The following GBF1 variants were observed in gnomAD, a reference collection of about 807,000 sequenced individuals.
GBF1 encodes golgi brefeldin A resistant guanine nucleotide exchange factor 1, also known as Golgi-specific brefeldin A-resistance guanine nucleotide exchange factor 1.
GBF1 carries 114 observed loss-of-function variants against 210.5 expected under a neutral mutation model. The ratio of observed to expected loss-of-function variants is 0.54; its 90% CI spans 0.47 to 0.63. GBF1 has a LOEUF of 0.63. Among genes scored for constraint, GBF1 ranks in the 30% least tolerant of loss-of-function variants. The pLI is 0.00. For synonymous variants in GBF1, 850 were observed against 889.2 expected (o/e 0.96, Z 0.78); for missense variants, 1,851 against 2,357.7 (o/e 0.79, Z 4.45).
chr10:102,321,356 ATCTT>A (rs138794972), intron 3 of GBF1, among the ~76,000 whole-genome samples: 8,879 of 152,162 alleles, frequency 0.058, 383 homozygotes, highest in Non-Finnish European at 0.085. Flanking sequence ...ATTAATTTGC[ATCTT>A]TCTTTAATCA....
Position 102,365,514 on chromosome 10 carries a change from C to G in GBF1, c.2224C>G (p.Arg742Gly). ...CAACACAGAGGTTGCTCAGTGGCTC[C>G]GAGAGAACCCTCGGCTGGACAAGAA... ...MDNTEVAQWLRENPRLDKKMI... is the reference protein window; with the variant it reads ...MDNTEVAQWLGENPRLDKKMI... Residue 742 changes from arginine (R) to glycine (G), a missense_variant, in exon 18 of 40, where the codon CGA becomes GGA. Transcript: ENST00000369983. The G allele has an allele frequency of 6.2e-7, 1 of 1,614,158 alleles. No homozygotes were observed. Among genetic ancestry groups the G allele is most frequent in the Non-Finnish European group, 8.5e-7 (1 of 1,180,016 alleles).
At chr10:102,250,194 T>A (rs1437256982) in intron 1 of GBF1, among the ~76,000 whole-genome samples, 2 of 152,112 alleles carry the variant, frequency 1.3e-5, no homozygotes, top group Non-Finnish European at 2.9e-5. Context: ...GCTAGTTGGA[T>A]AAGAATAATT....
chr10:102,288,739 A>AC (rs1366421133), intron 3 of GBF1, among the ~76,000 whole-genome samples: 7 of 149,566 alleles, frequency 4.7e-5, no homozygotes, highest in South Asian at 2.1e-4. Flanking sequence ...AAAAAAACAA[A>AC]AAAAAAAAAC....
At chr10:102,242,736 G>C (rs140708847), upstream of GBF1, among the ~76,000 whole-genome samples, 2,076 of 152,148 alleles carry the variant, frequency 0.014, 19 homozygotes, top group Non-Finnish European at 0.019. Flanking sequence ...AGACCACCCT[G>C]GCTAACACGG....
rs146142892 is a variant in GBF1 at position 102,364,052 on chromosome 10, G to A, written c.2106+254G>A. Among the ~76,000 whole-genome samples the A allele has an allele frequency of 2.0e-5, 3 of 152,154 alleles. No individual in the cohort carries two copies. The East Asian group carries it at 5.8e-4, about 29-fold the overall frequency. On this transcript the variant is annotated intron_variant, in intron 17 of 39. Coordinates refer to ENST00000369983, the MANE Select transcript of GBF1 (RefSeq NM_001377137.1). Reference sequence around the variant, plus strand: ...AGTTGAGAGCCAAGTGTCACTAGTGGCAGTGACAGGAGCCTTGGGAGTTGG... The same window carrying A: ...AGTTGAGAGCCAAGTGTCACTAGTGACAGTGACAGGAGCCTTGGGAGTTGG...
chr10:102,321,281 C>G (rs943314568), intron 3 of GBF1, among the ~76,000 whole-genome samples: 1 of 152,172 alleles, frequency 6.6e-6, no homozygotes, highest in Non-Finnish European at 1.5e-5. Flanking sequence ...TGTTCACCAT[C>G]ATATATCTAT....
the GBF1 span, chr10:102,232,084 G>C: frequency 1.3e-6 from 2 of 1,580,842 alleles, no homozygotes; most frequent in Non-Finnish European, 1.7e-6. Context: ...ACTCCATGGA[G>C]GGAGGGCTCT....
intron 3 of GBF1, among the ~76,000 whole-genome samples, chr10:102,332,904 A>G (rs1198697113): frequency 6.6e-6 from 1 of 152,226 alleles, no homozygotes; most frequent in African/African-American, 2.4e-5. Context: ...GATCTGAGAA[A>G]CTGTTGTGTG....
intron 3 of GBF1, among the ~76,000 whole-genome samples, chr10:102,325,541 A>C (rs1477426620): frequency 7.9e-6 from 1 of 127,352 alleles, no homozygotes; most frequent in Non-Finnish European, 1.6e-5. Flanking sequence ...ACAGAGCAAG[A>C]CTCCGTCTCA....
At chr10:102,322,374 T>G (rs1483707282) in intron 3 of GBF1, among the ~76,000 whole-genome samples, 1 of 152,226 alleles carries the variant, frequency 6.6e-6, no homozygotes, top group Non-Finnish European at 1.5e-5. Context: ...AGTCAAGACT[T>G]CTCTGGTGAC....
intron 33 of GBF1, among the ~76,000 whole-genome samples, chr10:102,377,674 A>T (rs1207161417): frequency 6.6e-6 from 1 of 152,130 alleles, no homozygotes; most frequent in African/African-American, 2.4e-5. Flanking sequence ...TTTTAAACTA[A>T]GATTTACTTA....
In GBF1 at chr10:102,363,269, C is replaced by T. The variant is rs561978475; in HGVS notation, c.1890C>T (p.Ala630=). 1 of 1,612,864 alleles carries T rather than the reference C, an allele frequency of 6.2e-7. No individual in the cohort carries two copies. Among genetic ancestry groups the T allele is most frequent in the Non-Finnish European group, 8.5e-7 (1 of 1,179,450 alleles). The change falls in exon 16 of 40, where the codon GCC becomes GCT. Residue 630 remains alanine, a synonymous_variant. Coordinates refer to ENST00000369983, the MANE Select transcript of GBF1 (RefSeq NM_001377137.1). The surrounding 1 kb of genome is among the most constrained non-coding windows in gnomAD (Gnocchi z 4.2). ...TREASNTERT[A]SDGKAVGMAS... is the part of the protein sequence containing the mutation. The stretch of plus-strand genomic sequence containing the variant: ...CTCTCTTACCAGCTGAGAGAACTGC[C>T]AGCGATGGGAAAGCTGTAGGCATGG...
In GBF1 at chr10:102,376,580, T is replaced by C; in HGVS notation, c.4068T>C (p.Asp1356=). 6.2e-7 allele frequency: 1 copy of C among 1,614,056 alleles called. No homozygotes were observed. Among genetic ancestry groups the C allele is most frequent in the Middle Eastern group, 1.6e-4 (1 of 6,062 alleles). The change falls in exon 32 of 40, where the codon GAT becomes GAC. Residue 1356 remains aspartate, a synonymous_variant. Coordinates refer to ENST00000369983, the MANE Select transcript of GBF1 (RefSeq NM_001377137.1). The stretch of plus-strand genomic sequence containing the variant: ...TACAGGTTGGGAAGGATGACGTTGA[T>C]AACTCCAAGCCAGGGCCCAGCCGCC... The part of the protein sequence containing the change: ...GWLVVGKDDV[D]NSKPGPSRPG...
At chr10:102,311,752 C>G (rs1391489523) in intron 3 of GBF1, among the ~76,000 whole-genome samples, 1 of 152,176 alleles carries the variant, frequency 6.6e-6, no homozygotes, top group Non-Finnish European at 1.5e-5. Flanking sequence ...ATCAACTATT[C>G]CTATGCCCCA....
chr10:102,284,776 C>A (rs1489187324), intron 3 of GBF1, among the ~76,000 whole-genome samples: 1 of 151,858 alleles, frequency 6.6e-6, no homozygotes, highest in Admixed American at 6.6e-5. Flanking sequence ...GGATATATAC[C>A]TAGGACTGGA....
At chr10:102,364,217 CTTTTTTTTTTT>C (rs1031275118) in intron 17 of GBF1, among the ~76,000 whole-genome samples, 51 of 66,948 alleles carry the variant, frequency 7.6e-4, no homozygotes, top group Admixed American at 5.9e-3. Context: ...CTTTGGATTT[CTTTTTTTTTTT>C]TTTTTTTTTT....
intron 3 of GBF1, among the ~76,000 whole-genome samples, chr10:102,274,699 ATTTTTT>A (rs1174743189): frequency 1.5e-4 from 11 of 71,694 alleles, no homozygotes; most frequent in East Asian, 4.9e-4. Context: ...CAAAACAAAG[ATTTTTT>A]TTTTTTTTTT....
In GBF1 at chr10:102,366,580, G is replaced by A; in HGVS notation, c.2433+74G>A. On this transcript the variant is annotated intron_variant, in intron 19 of 39. Coordinates refer to ENST00000369983, the MANE Select transcript of GBF1 (RefSeq NM_001377137.1). This position sits in a 1 kb window ranked among gnomAD's most constrained non-coding sequence, Gnocchi z 4.0. Reference sequence around the variant, plus strand: ...CTGAGGGCTGAAGAATCCAGCTGCTGTCTCTTTTTTTTTTTTTTTTTTTTG... The same window carrying A: ...CTGAGGGCTGAAGAATCCAGCTGCTATCTCTTTTTTTTTTTTTTTTTTTTG... The A allele has an allele frequency of 1.0e-6, 1 of 982,702 alleles. No homozygotes were observed. Among genetic ancestry groups the A allele is most frequent in the Non-Finnish European group, 1.5e-6 (1 of 685,934 alleles). 60.9% of individuals were successfully genotyped at this position (982,702 alleles called of 1,614,324 possible).
At chr10:102,353,949 G>A (rs2059148215) in intron 8 of GBF1, among the ~76,000 whole-genome samples, 1 of 152,184 alleles carries the variant, frequency 6.6e-6, no homozygotes, top group Non-Finnish European at 1.5e-5. Context: ...TGACAAAGAT[G>A]AAAGTCCTGC....
Sources: allele counts gnomAD v4.1 joint callset (sites outside exome capture counted in the v4.1 genomes callset), GRCh38; gene constraint gnomAD v4.1.1; non-coding constraint Gnocchi (gnomAD v3.1); transcripts MANE v1.5; gene names NCBI Gene and HGNC (gene_info 2026-07-23, HGNC 2026-07-21).